The following PLXNB3 variants were observed in gnomAD, a reference collection of about 807,000 sequenced individuals.
The protein encoded by PLXNB3 is plexin-B3.
PLXNB3 carries 80 observed loss-of-function variants against 125.7 expected under a neutral mutation model. The observed-to-expected ratio is 0.64, with a 90% confidence interval of 0.53 to 0.77. The LOEUF is 0.77. Among genes scored for constraint, PLXNB3 ranks in the 30% least tolerant of loss-of-function variants. PLXNB3 has a pLI of 0.00. For synonymous variants in PLXNB3, 954 were observed against 783.3 expected, an observed-to-expected ratio of 1.22 and a Z score of -3.64; for missense variants, 1,836 against 1,729.3, an observed-to-expected ratio of 1.06 and a Z score of -1.09.
At position 153,769,923 on chromosome X, in the gene PLXNB3, G is replaced by C. The variant is rs782808628; in HGVS notation, c.1613G>C (p.Arg538Pro). Reference sequence around the variant, plus strand: ...AGCCTGCTGCCGGGCCACCACCCCCGCCAGGAGCAGGGCCAGGTAAGCCGC... The same window carrying C: ...AGCCTGCTGCCGGGCCACCACCCCCCCCAGGAGCAGGGCCAGGTAAGCCGC... ...IQSLLPGHHP[R>P]QEQGQVTLSV... The change falls in exon 7 of 36, where the codon CGC (arginine) becomes CCC (proline). Residue 538 changes from arginine to proline, a missense_variant. By Grantham distance (103) the Arg-to-Pro change is moderately radical. Coordinates refer to ENST00000361971, the MANE Select transcript of PLXNB3 (RefSeq NM_005393.3). 1.7e-5 allele frequency: 20 copies of C among 1,207,389 alleles called. No individual in the cohort carries two copies. Among genetic ancestry groups the C allele is most frequent in the Non-Finnish European group, 2.2e-5 (20 of 893,757 alleles).
In PLXNB3 at chrX:153,770,955, C is replaced by T; in HGVS notation, c.2137-10C>T. 1.7e-6 allele frequency: 2 copies of T among 1,209,479 alleles called. No homozygotes were observed. Among genetic ancestry groups the T allele is most frequent in the Non-Finnish European group, 2.2e-6 (2 of 894,330 alleles). On this transcript the variant is annotated splice_polypyrimidine_tract_variant and intron_variant, in intron 11 of 35. Transcript: ENST00000361971. ...AGCGTGTCCACACTCCTGACAGCGT[C>T]CTTCCCCAGGGCCTGCCTGCCTCCT...
At chrX:153,778,495 G>C (rs782393473) in intron 34 of PLXNB3, 24 bp downstream of exon 34, 2 of 1,199,045 alleles carry the variant, frequency 1.7e-6, no homozygotes, top group Non-Finnish European at 2.3e-6. Flanking sequence ...CGGGGGGTGC[G>C]CCTGTCCACA....
intron 32 of PLXNB3, 34 bp from the exon 33 acceptor site, chrX:153,778,227 C>G: frequency 1.7e-6 from 2 of 1,201,026 alleles, no homozygotes; most frequent in Non-Finnish European, 2.3e-6. Flanking sequence ...CACCTCCGAG[C>G]TCATGCCTAG....
intron 3 of PLXNB3, 67 bp downstream of exon 3, chrX:153,767,980 G>A (rs1233575716): frequency 1.7e-5 from 18 of 1,029,899 alleles, no homozygotes; most frequent in Non-Finnish European, 2.1e-5. Context: ...CTGGACAGGG[G>A]TGCCTGCCCA....
chrX:153,768,892 TG>T (rs1473203213), intron 4 of PLXNB3, 55 bp from the exon 5 acceptor site: 8 of 1,177,780 alleles, frequency 6.8e-6, no homozygotes, highest in Non-Finnish European at 9.1e-6. Flanking sequence ...GGCGTGTCCC[TG>T]GAACAGGCAA....
intron 29 of PLXNB3, 104 bp downstream of exon 29, chrX:153,777,084 C>G (rs2092005541): frequency 1.0e-6 from 1 of 997,786 alleles, no homozygotes; most frequent in Non-Finnish European, 1.4e-6. Flanking sequence ...CCACCGAGAT[C>G]TTCTGCCCAT....
At chrX:153,773,777 G>A in intron 19 of PLXNB3, 64 bp downstream of exon 19, 1 of 1,191,317 alleles carries the variant, frequency 8.4e-7, no homozygotes, top group South Asian at 1.8e-5. Flanking sequence ...GTGGGGAGGA[G>A]GAGGGTAGGC....
Position 153,776,346 on chromosome X carries a change from C to G in PLXNB3, c.4730-10C>G, listed in dbSNP as rs782582528. 5.2e-6 allele frequency: 6 copies of G among 1,157,916 alleles called. No individual in the cohort carries two copies. Among genetic ancestry groups the G allele is most frequent in the Non-Finnish European group, 7.0e-6 (6 of 855,959 alleles). On this transcript the variant is annotated splice_polypyrimidine_tract_variant and intron_variant, in intron 27 of 35. Transcript: ENST00000361971. ...GGCTGTAGACTATCTGCTTCCCTGA[C>G]TCCCTCCAGAGTGGCGCTCAGGCCT...
In PLXNB3 at chrX:153,774,545, C is replaced by T. The variant is rs782216398; in HGVS notation, c.3804C>T (p.Ala1268=). The change falls in exon 22 of 36, where the codon GCC becomes GCT. Residue 1268 remains alanine, a synonymous_variant. Transcript: ENST00000361971. ...TGGGTGCTGCAGTGCTGATTGCCGC[C>T]GTGCTCCTCCTCACCCTCATGTACA... is the stretch of plus-strand genomic sequence containing the variant. The part of the protein sequence containing the change: ...VGMGAAVLIA[A]VLLLTLMYRH... The T allele has an allele frequency of 3.7e-5, 45 of 1,206,204 alleles. No individual in the cohort carries two copies. The South Asian group carries it at 6.2e-4, about 17-fold the overall frequency.
At position 153,770,422 on chromosome X, in the gene PLXNB3, T is replaced by C; in HGVS notation, c.1871T>C (p.Val624Ala). 3 of 1,210,083 alleles carry C rather than the reference T, an allele frequency of 2.5e-6. No individual in the cohort carries two copies. The highest frequency in any genetic ancestry group is 3.4e-6 in the Non-Finnish European group (3 of 894,510). The stretch of plus-strand genomic sequence containing the variant: ...TTCTCCTTTTATGACTGCAGTGCCG[T>C]CCAGGCCTTGGAGGCGGCTGCCCCG... ...TNFSFYDCSAVQALEAAAPCR... is the reference protein window; with the variant it reads ...TNFSFYDCSAAQALEAAAPCR... The change falls in exon 9 of 36, where the codon GTC becomes GCC. Residue 624 changes from valine (V) to alanine (A), a missense_variant. By Grantham distance (64) the Val-to-Ala change is moderately conservative. Coordinates refer to ENST00000361971, the MANE Select transcript of PLXNB3 (RefSeq NM_005393.3).
In PLXNB3 at chrX:153,770,721, T is replaced by C. The variant is rs368107143; in HGVS notation, c.2011-37T>C. 1.6e-5 allele frequency: 19 copies of C among 1,205,623 alleles called. No homozygotes were observed. The Middle Eastern group carries it at 9.2e-4, about 59-fold the overall frequency. On this transcript the variant is annotated intron_variant, in intron 10 of 35. Coordinates refer to ENST00000361971, the MANE Select transcript of PLXNB3 (RefSeq NM_005393.3). ...CCAGACCCGCCCAGCAGTAGGCCCT[T>C]TGAGTTCTGAAGGGCTGAGGGCTCT...
In PLXNB3 at chrX:153,774,206, C is replaced by A; in HGVS notation, c.3540C>A (p.Gly1180=). Residue 1180 remains glycine (G), a synonymous_variant, in exon 21 of 36, where the codon GGC becomes GGA. Transcript: ENST00000361971. ...CCCAGGGCGAGGGCCTCAACCTGGGCATCAGCAAGGAGGAGGTGCGCGTGC... is the reference window on the plus strand; with the variant it reads ...CCCAGGGCGAGGGCCTCAACCTGGGAATCAGCAAGGAGGAGGTGCGCGTGC... ...LDVEGEGLNL[G]ISKEEVRVHI... 2 of 1,203,862 alleles carry A rather than the reference C, an allele frequency of 1.7e-6. No individual in the cohort carries two copies. The highest frequency in any genetic ancestry group is 2.2e-5 in the Admixed American group (1 of 46,051).
At chrX:153,778,577 C>T in intron 34 of PLXNB3, 23 bp from the exon 35 acceptor site, 1 of 1,185,845 alleles carries the variant, frequency 8.4e-7, no homozygotes, top group South Asian at 1.8e-5. Flanking sequence ...ACCTCACTGC[C>T]CCCCTCCACG....
Position 153,772,995 on chromosome X carries a change from T to C in PLXNB3, c.2885T>C (p.Val962Ala), listed in dbSNP as rs370374582. ...ACAGGTGGCAACACCAGTGCCTTCG[T>C]GGGTGGCCAACCCTGTCCCATGTGA... ...LQTGGNTSAF[V>A]GGQPCPILEP... Residue 962 changes from valine (V) to alanine (A), a missense_variant, in exon 17 of 36, where the codon GTG becomes GCG. Transcript: ENST00000361971. 7.5e-6 allele frequency: 9 copies of C among 1,193,066 alleles called. No individual in the cohort carries two copies. Among genetic ancestry groups the C allele is most frequent in the Non-Finnish European group, 1.0e-5 (9 of 888,299 alleles).
rs782644817 is a variant in PLXNB3 at position 153,767,466 on chromosome X, C to T, written c.639C>T (p.Pro213=). The change falls in exon 3 of 36, where the codon CCC becomes CCT. Residue 213 remains proline (P), a synonymous_variant. Coordinates refer to ENST00000361971, the MANE Select transcript of PLXNB3 (RefSeq NM_005393.3). ...LAIRQLAGSQ[P]FSSEGLGRLV... ...TCCGCCAGCTGGCCGGGTCTCAGCC[C>T]TTCTCCAGCGAGGGCCTGGGCCGCC... 5.0e-5 allele frequency: 60 copies of T among 1,194,122 alleles called. 1 individual carries two copies. The South Asian group carries it at 1.0e-3, about 21-fold the overall frequency.
Position 153,773,183 on chromosome X carries a change from G to C in PLXNB3, c.2907-47G>C, listed in dbSNP as rs782516080. ...CGGGGGTTGGGCCAGGGCTGGGGTA[G>C]AGGGGTGGTAGAGCCGAGATGAGAG... is the stretch of plus-strand genomic sequence containing the variant. On this transcript the variant is annotated intron_variant, in intron 17 of 35. Transcript: ENST00000361971. The C allele has an allele frequency of 4.4e-6, 5 of 1,148,553 alleles. No homozygotes were observed. In the South Asian group the frequency reaches 6.0e-5, roughly 14 times the overall value. The allele number at this position is 1,148,553 out of a possible 1,213,427, so 94.7% of individuals were successfully genotyped here.
chrX:153,767,837 G>A lies in PLXNB3; in HGVS notation c.1010G>A (p.Gly337Asp). The change falls in exon 3 of 36, where the codon GGC (glycine) becomes GAC (aspartate). Residue 337 changes from glycine to aspartate, a missense_variant. Gly to Asp is a moderately conservative substitution (Grantham distance 94). Coordinates refer to ENST00000361971, the MANE Select transcript of PLXNB3 (RefSeq NM_005393.3). The part of the protein sequence containing the change: ...EQARRLCYTA[G>D]GRGPSGAEEA... The stretch of plus-strand genomic sequence containing the variant: ...GCCCGGAGACTCTGCTACACGGCGG[G>A]CGGCCGGGGCCCCAGCGGCGCAGAG... The A allele has an allele frequency of 8.7e-7, 1 of 1,145,967 alleles. No homozygotes were observed. Among genetic ancestry groups the A allele is most frequent in the Non-Finnish European group, 1.2e-6 (1 of 863,810 alleles). 94.4% of individuals were successfully genotyped at this position (1,145,967 alleles called of 1,213,427 possible).
rs782450733 is a variant in PLXNB3, at chrX:153,773,600, G to A, written c.3166G>A (p.Ala1056Thr). The change falls in exon 19 of 36, where the codon GCA becomes ACA. Residue 1056 changes from alanine (A) to threonine (T), a missense_variant. Physicochemically the swap from Ala to Thr is moderately conservative, Grantham distance 58. Transcript: ENST00000361971. ...PLLSVWLEADAEVQASRAQPQ... is the reference protein window; with the variant it reads ...PLLSVWLEADTEVQASRAQPQ... ...ACTGTCTGTGTGGCTGGAGGCTGACGCAGAGGTGCAGGCTTCCAGGGCCCA... is the reference window on the plus strand; with the variant it reads ...ACTGTCTGTGTGGCTGGAGGCTGACACAGAGGTGCAGGCTTCCAGGGCCCA... 42 of 1,204,777 alleles carry A rather than the reference G, an allele frequency of 3.5e-5. No individual in the cohort carries two copies. Among genetic ancestry groups the A allele is most frequent in the Non-Finnish European group, 4.5e-5 (40 of 892,850 alleles).
chrX:153,774,204 G>C lies in PLXNB3; in HGVS notation c.3538G>C (p.Gly1180Arg). The C allele has an allele frequency of 1.7e-6, 2 of 1,203,883 alleles. No homozygotes were observed. Residue 1180 changes from glycine (G) to arginine (R), a missense_variant, in exon 21 of 36, where the codon GGC becomes CGC. Physicochemically the swap from Gly to Arg is moderately radical, Grantham distance 125. Coordinates refer to ENST00000361971, the MANE Select transcript of PLXNB3 (RefSeq NM_005393.3). ...GTCCCAGGGCGAGGGCCTCAACCTG[G>C]GCATCAGCAAGGAGGAGGTGCGCGT... The part of the protein sequence containing the change: ...LDVEGEGLNL[G>R]ISKEEVRVHI...
Sources: allele counts gnomAD v4.1 joint callset, GRCh38; gene constraint gnomAD v4.1.1; transcripts MANE v1.5; gene names NCBI Gene and HGNC (gene_info 2026-07-23, HGNC 2026-07-21).